The following ZNF653 variants were observed in gnomAD, a reference collection of about 807,000 sequenced individuals.
ZNF653 encodes zinc finger protein 653, also known as 67 kDa zinc finger protein.
A neutral mutation model predicts 59.9 loss-of-function variants in ZNF653; 37 were observed. The ratio of observed to expected loss-of-function variants is 0.62; its 90% CI spans 0.48 to 0.81. The LOEUF (loss-of-function observed/expected upper bound fraction) is 0.81, where lower values mean the gene tolerates loss of function less well. ZNF653 is among the 40% of genes least tolerant of loss of function. The pLI, the probability that ZNF653 is intolerant of heterozygous loss-of-function variation, is 0.00. For missense variants in ZNF653, 808 were observed against 881.1 expected (o/e 0.92, Z 1.05); for synonymous variants, 435 against 371.8 (o/e 1.17, Z -1.96).
intron 3 of ZNF653, among the ~76,000 whole-genome samples, chr19:11,494,391 T>TAACATAACATAA (rs1971562734): frequency 8.3e-5 from 12 of 144,278 alleles, no homozygotes; most frequent in Non-Finnish European, 1.5e-4. Flanking sequence ...AAACATAACA[T>TAACATAACATAA]AACATAACAT....
intron 2 of ZNF653, among the ~76,000 whole-genome samples, chr19:11,496,519 C>A (rs1390683056): frequency 6.6e-6 from 1 of 152,136 alleles, no homozygotes; most frequent in Admixed American, 6.5e-5. Context: ...CCACCCCCTA[C>A]AGCCGCAAGG....
chr19:11,493,201 G>C (rs1971547181), intron 3 of ZNF653, among the ~76,000 whole-genome samples: 1 of 151,764 alleles, frequency 6.6e-6, no homozygotes, highest in Admixed American at 6.6e-5. Context: ...AGGATTACAG[G>C]CATGCGCCAC....
In ZNF653 at chr19:11,487,508, C is replaced by T. The variant is rs760681468; in HGVS notation, c.955G>A (p.Val319Met). 6.2e-7 allele frequency: 1 copy of T among 1,613,774 alleles called. No homozygotes were observed. The highest frequency in any genetic ancestry group is 8.5e-7 in the Non-Finnish European group (1 of 1,179,978). ...TAACCAGGGCCCGCAATGATGATCA[C>T]CTGTGAGCCGGGCACCATGCCTGGC... ...PMPGMVPGSQ[V>M]IIIAGPGYDA... The change falls in exon 4 of 9, where the codon GTG becomes ATG. Residue 319 changes from valine (V) to methionine (M), a missense_variant. By Grantham distance (21) the Val-to-Met change is conservative (BLOSUM62 1). Coordinates refer to ENST00000293771, the MANE Select transcript of ZNF653 (RefSeq NM_138783.4). This position sits in a 1 kb window ranked among gnomAD's most constrained non-coding sequence, Gnocchi z 5.1.
rs115188846 is a variant in ZNF653, at chr19:11,487,320, G to A, written c.1143C>T (p.Thr381=). 1.9e-3 allele frequency: 3,095 copies of A among 1,613,544 alleles called. 49 individuals carry two copies. The African/African-American group carries it at 0.035, about 18-fold the overall frequency. The change falls in exon 4 of 9, where the codon ACC becomes ACT. Residue 381 remains threonine (T), a synonymous_variant. Coordinates refer to ENST00000293771, the MANE Select transcript of ZNF653 (RefSeq NM_138783.4). This position sits in a 1 kb window ranked among gnomAD's most constrained non-coding sequence, Gnocchi z 5.1. ...TCTTGGTCTCGATGCCTGCTACTGCGGTGGCGTCCATGGTGCTAGGCTGGC... is the reference window on the plus strand; with the variant it reads ...TCTTGGTCTCGATGCCTGCTACTGCAGTGGCGTCCATGGTGCTAGGCTGGC... ...EGSQPSTMDA[T]AVAGIETKKE... is the part of the protein sequence containing the mutation.
intron 5 of ZNF653, 47 bp from the exon 6 acceptor site, chr19:11,486,927 C>G (rs1971472294): frequency 6.2e-7 from 1 of 1,610,824 alleles, no homozygotes; most frequent in Non-Finnish European, 8.5e-7. Context: ...ACCAGGCAGG[C>G]TGGGGGCCTG....
At chr19:11,486,911 T>G in intron 5 of ZNF653, 31 bp from the exon 6 acceptor site, 2 of 1,611,070 alleles carry the variant, frequency 1.2e-6, no homozygotes, top group Non-Finnish European at 1.7e-6. Flanking sequence ...ACATCGGGGC[T>G]CCCGCACCAG....
In ZNF653 at chr19:11,505,827, C is replaced by G. The variant is rs534532911; in HGVS notation, c.-41G>C. ...TACCAGCCTCCCCCGTTGTTAGGAG[C>G]CAGACCGGAAGTGGCGCGCATCTTC... On this transcript the variant is annotated 5_prime_UTR_variant, in exon 1 of 9. Coordinates refer to ENST00000293771, the MANE Select transcript of ZNF653 (RefSeq NM_138783.4). The G allele has an allele frequency of 2.3e-6, 3 of 1,313,896 alleles. No homozygotes were observed. Among genetic ancestry groups the G allele is most frequent in the Non-Finnish European group, 2.9e-6 (3 of 1,019,052 alleles). The allele number at this position is 1,313,896 out of a possible 1,614,324, so 81.4% of individuals were successfully genotyped here.
At chr19:11,503,048 T>TTG (rs1555737986) in intron 1 of ZNF653, among the ~76,000 whole-genome samples, 11 of 133,828 alleles carry the variant, frequency 8.2e-5, no homozygotes, top group African/African-American at 2.9e-4. Context: ...AAAAAAAAGG[T>TTG]GGGGGGGGCA....
chr19:11,485,557 G>A lies in ZNF653; in HGVS notation c.1570+99C>T, dbSNP rs529706077. ...CTAGGGGTGTAGTCCTGTGCCCGGAGACCCAGCACTGGGCTTTGACCCGCC... is the reference window on the plus strand; with the variant it reads ...CTAGGGGTGTAGTCCTGTGCCCGGAAACCCAGCACTGGGCTTTGACCCGCC... On this transcript the variant is annotated intron_variant, in intron 7 of 8. Transcript: ENST00000293771. 4 of 888,684 alleles carry A rather than the reference G, an allele frequency of 4.5e-6. No homozygotes were observed. In the Admixed American group the frequency reaches 7.6e-5, roughly 17 times the overall value. The allele number at this position is 888,684 out of a possible 1,614,324, so 55.0% of individuals were successfully genotyped here.
At chr19:11,486,371 C>G (rs1489827202) in intron 6 of ZNF653, among the ~76,000 whole-genome samples, 1 of 152,186 alleles carries the variant, frequency 6.6e-6, no homozygotes, top group East Asian at 1.9e-4. Flanking sequence ...AACTGAGGTT[C>G]AAGGCTCTGT....
At chr19:11,499,575 G>A (rs1242336119) in intron 1 of ZNF653, among the ~76,000 whole-genome samples, 1 of 150,618 alleles carries the variant, frequency 6.6e-6, no homozygotes, top group African/African-American at 2.5e-5. Context: ...GACCAGCCTG[G>A]GCAACATAGC....
chr19:11,492,553 C>T (rs1269742265), intron 3 of ZNF653, among the ~76,000 whole-genome samples: 2 of 152,026 alleles, frequency 1.3e-5, no homozygotes, highest in Non-Finnish European at 2.9e-5. Context: ...CACTATGTTG[C>T]CCAGGCTGTT....
Position 11,495,970 on chromosome 19 carries a change from G to C in ZNF653, c.539C>G (p.Ser180Ter). 6.2e-7 allele frequency: 1 copy of C among 1,614,116 alleles called. No individual in the cohort carries two copies. The highest frequency in any genetic ancestry group is 8.5e-7 in the Non-Finnish European group (1 of 1,179,996). ...LHSPLKPLSD[S>*]DPDSDKVGNG... ...CCTACCTTTGTCACTGTCAGGGTCT[G>C]AGTCGCTGAGGGGCTTCAGGGGCGA... is the stretch of plus-strand genomic sequence containing the variant. Residue 180 changes from serine (S) to a stop codon, truncating the protein, a stop_gained, in exon 3 of 9, where the codon TCA becomes TGA. Coordinates refer to ENST00000293771, the MANE Select transcript of ZNF653 (RefSeq NM_138783.4). LOFTEE classifies it high-confidence loss of function. This position sits in a 1 kb window ranked among gnomAD's most constrained non-coding sequence, Gnocchi z 4.9.
At position 11,485,728 on chromosome 19, in the gene ZNF653, A is replaced by C; in HGVS notation, c.1498T>G (p.Cys500Gly). The C allele has an allele frequency of 6.2e-7, 1 of 1,614,006 alleles. No individual in the cohort carries two copies. The highest frequency in any genetic ancestry group is 8.5e-7 in the Non-Finnish European group (1 of 1,179,972). Residue 500 changes from cysteine (C) to glycine (G), a missense_variant, in exon 7 of 9, where the codon TGC (cysteine) becomes GGC (glycine). Transcript: ENST00000293771. Reference sequence around the variant, plus strand: ...TTCTTGCCACAGCCAGGATGAGGGCACACTTTGGTCTTTCCTTTCCGATGC... The same window carrying C: ...TTCTTGCCACAGCCAGGATGAGGGCCCACTTTGGTCTTTCCTTTCCGATGC... ...LVHRKGKTKV[C>G]PHPGCGKKFY...
chr19:11,488,614 T>C (rs1402428872), intron 3 of ZNF653, among the ~76,000 whole-genome samples: 3 of 149,110 alleles, frequency 2.0e-5, no homozygotes, highest in Admixed American at 2.0e-4. Context: ...CTTTTTTTTT[T>C]TGAGATGGAG....
At position 11,492,905 on chromosome 19, in the gene ZNF653, C is replaced by G. The variant is rs1355943011; in HGVS notation, c.559+3045G>C. Among the ~76,000 whole-genome samples the G allele has an allele frequency of 2.6e-5, 4 of 152,114 alleles. No homozygotes were observed. The East Asian group carries it at 7.7e-4, about 29-fold the overall frequency. On this transcript the variant is annotated intron_variant, in intron 3 of 8. Coordinates refer to ENST00000293771, the MANE Select transcript of ZNF653 (RefSeq NM_138783.4). ...GAAGTACAGGCACACACCACCACAC[C>G]TGGCTAATTTTTTGTATTTTTAGTA...
At chr19:11,496,524 G>A (rs1049869608) in intron 2 of ZNF653, among the ~76,000 whole-genome samples, 9 of 152,152 alleles carry the variant, frequency 5.9e-5, no homozygotes, top group South Asian at 2.1e-4. Context: ...CCCTACAGCC[G>A]CAAGGGGGCG....
chr19:11,497,516 C>A (rs1025603379), intron 2 of ZNF653, among the ~76,000 whole-genome samples: 29 of 152,306 alleles, frequency 1.9e-4, no homozygotes, highest in African/African-American at 7.0e-4. Flanking sequence ...GGCTGCCAGG[C>A]AGGAGGAAGG....
In ZNF653 at chr19:11,505,592, C is replaced by T. The variant is rs1210455158; in HGVS notation, c.195G>A (p.Ala65=). Residue 65 remains alanine (A), a synonymous_variant, in exon 1 of 9, where the codon GCG becomes GCA. Transcript: ENST00000293771. ...YDVRRVYLGE[A]HGPWVDLRRR... ...GCCGCAGGTCCACCCAGGGCCCGTG[C>T]GCCTCGCCCAGGTACACGCGCCGCA... The T allele has an allele frequency of 2.0e-6, 3 of 1,508,572 alleles. No homozygotes were observed. In the East Asian group the frequency reaches 8.3e-5, roughly 42 times the overall value. 93.4% of individuals were successfully genotyped at this position (1,508,572 alleles called of 1,614,324 possible). A position where few individuals can be genotyped will look rare whatever the true frequency, so the allele number is the denominator to read the frequency against.
Sources: allele counts gnomAD v4.1 joint callset (sites outside exome capture counted in the v4.1 genomes callset), GRCh38; gene constraint gnomAD v4.1.1; non-coding constraint Gnocchi (gnomAD v3.1); transcripts MANE v1.5; gene names NCBI Gene and HGNC (gene_info 2026-07-23, HGNC 2026-07-21).